RAB26: variants seen among roughly 807,000 people sequenced by gnomAD.
The protein encoded by RAB26 is RAB26, member RAS oncogene family.
A neutral mutation model predicts 33.1 loss-of-function variants in RAB26; 39 were observed. The observed-to-expected ratio is 1.18, with a 90% CI of 0.91 to 1.54. The LOEUF is 1.54. RAB26 is among the 40% of genes most tolerant of loss of function. RAB26 has a pLI of 0.00. For missense variants in RAB26, 468 were observed against 362.9 expected (o/e 1.29, Z -2.35); for synonymous variants, 192 against 151.9 (o/e 1.26, Z -1.94).
rs1338360956 is a variant in RAB26 at position 2,148,919 on chromosome 16, T to C, written c.136T>C (p.Leu46=). The C allele has an allele frequency of 7.6e-7, 1 of 1,308,370 alleles. No individual in the cohort carries two copies. The highest frequency in any genetic ancestry group is 2.2e-5 in the South Asian group (1 of 44,772). 81.0% of individuals were successfully genotyped at this position (1,308,370 alleles called of 1,614,324 possible). A position where few individuals can be genotyped will look rare whatever the true frequency, so the allele number is the denominator to read the frequency against. ...CCCCGACGCGCCGCCCAACGGGCCCTTGCAGCCCGGCCGGCCCTCGCTTGG... is the reference window on the plus strand; with the variant it reads ...CCCCGACGCGCCGCCCAACGGGCCCCTGCAGCCCGGCCGGCCCTCGCTTGG... ...SGPDAPPNGP[L]QPGRPSLGGG... The change falls in exon 1 of 9, where the codon TTG becomes CTG. Residue 46 remains leucine, a synonymous_variant. Transcript: ENST00000210187.
Position 2,153,699 on chromosome 16 carries a change from G to C in RAB26, c.*278G>C. 1 of 608,036 alleles carries C rather than the reference G, an allele frequency of 1.6e-6. No individual in the cohort carries two copies. Among genetic ancestry groups the C allele is most frequent in the East Asian group, 3.5e-5 (1 of 28,654 alleles). The allele number at this position is 608,036 out of a possible 1,614,324, so 37.7% of individuals were successfully genotyped here. ...ACAGACTTTGCCACGGTGCTCTGCTGCCCCCTCCTGGGCACGTCCAGGTGA... is the reference window on the plus strand; with the variant it reads ...ACAGACTTTGCCACGGTGCTCTGCTCCCCCCTCCTGGGCACGTCCAGGTGA... On this transcript the variant is annotated 3_prime_UTR_variant, in exon 9 of 9. Coordinates refer to ENST00000210187, the MANE Select transcript of RAB26 (RefSeq NM_014353.5).
At position 2,150,136 on chromosome 16, in the gene RAB26, C is replaced by T. The variant is rs2093000076; in HGVS notation, c.306+85C>T. Reference sequence around the variant, plus strand: ...TTCTCTCTGATCCCCATGGTACCAACAGGCTCGAGGCCTGGACCCCAGAAG... The same window carrying T: ...TTCTCTCTGATCCCCATGGTACCAATAGGCTCGAGGCCTGGACCCCAGAAG... On this transcript the variant is annotated intron_variant, in intron 2 of 8. Coordinates refer to ENST00000210187, the MANE Select transcript of RAB26 (RefSeq NM_014353.5). 2.4e-6 allele frequency: 3 copies of T among 1,262,494 alleles called. No homozygotes were observed. In the South Asian group the frequency reaches 4.3e-5, roughly 18 times the overall value. 78.2% of individuals were successfully genotyped at this position (1,262,494 alleles called of 1,614,324 possible).
At chr16:2,152,760 G>C (rs988559532) in intron 5 of RAB26, 60 bp from the exon 6 acceptor site, 1 of 1,387,300 alleles carries the variant, frequency 7.2e-7, no homozygotes, top group Non-Finnish European at 9.9e-7. Flanking sequence ...GAGGGCCAAA[G>C]TTCTGGGGCA....
chr16:2,152,773 G>T (rs1438279926), intron 5 of RAB26, 47 bp from the exon 6 acceptor site: 2 of 1,573,712 alleles, frequency 1.3e-6, no homozygotes, highest in Non-Finnish European at 1.7e-6. Context: ...CTGGGGCATG[G>T]GGCAAGCCAT....
chr16:2,150,789 CAGG>C lies in RAB26; in HGVS notation c.306+739_306+741del, dbSNP rs1271347068. On this transcript the variant is annotated intron_variant, in intron 2 of 8. Transcript: ENST00000210187. ...TGGTTCGCACTCTCGTTCAGGGTGCCAGGGAAGGCGGTGTCCTCCCCAGCCCAG... is the reference window on the plus strand; with the variant it reads ...TGGTTCGCACTCTCGTTCAGGGTGCCGAAGGCGGTGTCCTCCCCAGCCCAG... Among the ~76,000 whole-genome samples, 3 of 152,332 alleles carry C rather than the reference CAGG, an allele frequency of 2.0e-5. No homozygotes were observed. The East Asian group carries it at 5.8e-4, about 29-fold the overall frequency.
At chr16:2,148,624 G>C (rs1407374699), upstream of RAB26, 2 of 357,556 alleles carry the variant, frequency 5.6e-6, no homozygotes, top group Non-Finnish European at 7.8e-6. Flanking sequence ...GCGGGGGCGG[G>C]GCGCGAGCCG....
Position 2,153,533 on chromosome 16 carries a change from G to C in RAB26, c.*112G>C. ...CCCAGTGGCCAACGCCCGAGTGTCT[G>C]TTTTCAGGAGCCCCAGGTCAAGCCT... On this transcript the variant is annotated 3_prime_UTR_variant, in exon 9 of 9. Coordinates refer to ENST00000210187, the MANE Select transcript of RAB26 (RefSeq NM_014353.5). 2.1e-6 allele frequency: 2 copies of C among 960,292 alleles called. No individual in the cohort carries two copies. Among genetic ancestry groups the C allele is most frequent in the Non-Finnish European group, 1.6e-6 (1 of 634,710 alleles). 59.5% of individuals were successfully genotyped at this position (960,292 alleles called of 1,614,324 possible).
At chr16:2,149,848 C>A in intron 1 of RAB26, 93 bp from the exon 2 acceptor site, 1 of 979,950 alleles carries the variant, frequency 1.0e-6, no homozygotes, top group Non-Finnish European at 1.4e-6. Context: ...CCTGGGCTGC[C>A]TCCCTCCACT....
chr16:2,151,051 C>T (rs1235196287), intron 2 of RAB26: 5 of 353,686 alleles, frequency 1.4e-5, no homozygotes, highest in Non-Finnish European at 2.8e-5. Flanking sequence ...TCTGCGGTTA[C>T]TGCCTTGGGT....
At position 2,149,980 on chromosome 16, in the gene RAB26, C is replaced by G; in HGVS notation, c.235C>G (p.Leu79Val). The G allele has an allele frequency of 6.5e-7, 1 of 1,542,924 alleles. No homozygotes were observed. Among genetic ancestry groups the G allele is most frequent in the Non-Finnish European group, 8.7e-7 (1 of 1,142,990 alleles). The change falls in exon 2 of 9, where the codon CTG becomes GTG. Residue 79 changes from leucine to valine, a missense_variant. By Grantham distance (32) the Leu-to-Val change is conservative. Coordinates refer to ENST00000210187, the MANE Select transcript of RAB26 (RefSeq NM_014353.5). ...GGACTCGGGTGTGGGGAAGACCTGT[C>G]TGCTGGTGCGATTCAAGGATGGTGC... ...VGDSGVGKTC[L>V]LVRFKDGAFL... is the part of the protein sequence containing the mutation.
intron 5 of RAB26, 71 bp from the exon 6 acceptor site, chr16:2,152,749 G>A (rs1032841366): frequency 3.8e-6 from 5 of 1,310,596 alleles, no homozygotes; most frequent in African/African-American, 1.5e-5. Flanking sequence ...AGTGTGACCT[G>A]GAGGGCCAAA....
chr16:2,148,680 G>GCCC lies in RAB26; in HGVS notation c.-102_-101insCCC, dbSNP rs2092994079. 3 of 1,082,030 alleles carry GCCC rather than the reference G, an allele frequency of 2.8e-6. No homozygotes were observed. Among genetic ancestry groups the GCCC allele is most frequent in the African/African-American group, 3.4e-5 (2 of 59,018 alleles). 67.0% of individuals were successfully genotyped at this position (1,082,030 alleles called of 1,614,324 possible). On this transcript the variant is annotated 5_prime_UTR_variant, in exon 1 of 9. Coordinates refer to ENST00000210187, the MANE Select transcript of RAB26 (RefSeq NM_014353.5). ...CGCCGCCGCCGCCGCCGCCGCCGCC[G>GCCC]CCAGGGGAAGGGTTCGGGTCCGGGT...
intron 1 of RAB26, 111 bp from the exon 2 acceptor site, chr16:2,149,830 C>A: frequency 1.3e-6 from 1 of 760,970 alleles, no homozygotes; most frequent in East Asian, 3.3e-5. Flanking sequence ...CCCCGCTGAG[C>A]CTGCAGGCCT....
At position 2,153,308 on chromosome 16, in the gene RAB26, C is replaced by G; in HGVS notation, c.669-11C>G. ...AGGCCATCGTGTCCCCTTGTCACCCCCACTCCGCAGGGAGTTGAAGCAGCG... is the reference window on the plus strand; with the variant it reads ...AGGCCATCGTGTCCCCTTGTCACCCGCACTCCGCAGGGAGTTGAAGCAGCG... On this transcript the variant is annotated splice_polypyrimidine_tract_variant and intron_variant, in intron 8 of 8. Transcript: ENST00000210187. The G allele has an allele frequency of 6.2e-7, 1 of 1,613,542 alleles. No homozygotes were observed. Among genetic ancestry groups the G allele is most frequent in the South Asian group, 1.1e-5 (1 of 91,082 alleles).
chr16:2,153,874 T>C lies in RAB26; in HGVS notation c.*453T>C, dbSNP rs2093016274. 2.2e-6 allele frequency: 1 copy of C among 457,362 alleles called. No homozygotes were observed. Among genetic ancestry groups the C allele is most frequent in the Non-Finnish European group, 4.4e-6 (1 of 227,678 alleles). 28.3% of individuals were successfully genotyped at this position (457,362 alleles called of 1,614,324 possible). ...AATCACATCGTGCATCTGTGTGTCC[T>C]GGGAGCTGCCTGCTCCCGGCCCACC... On this transcript the variant is annotated 3_prime_UTR_variant, in exon 9 of 9. Transcript: ENST00000210187.
Position 2,153,442 on chromosome 16 carries a change from C to T in RAB26, c.*21C>T, listed in dbSNP as rs1023371929. ...CTTGAACCTGGCTGAGCTCAGTCCT[C>T]TGGAGGAAGCCGTCCAGTCCCTAGA... On this transcript the variant is annotated 3_prime_UTR_variant, in exon 9 of 9. Coordinates refer to ENST00000210187, the MANE Select transcript of RAB26 (RefSeq NM_014353.5). 3.1e-6 allele frequency: 5 copies of T among 1,610,328 alleles called. No individual in the cohort carries two copies. The highest frequency in any genetic ancestry group is 3.4e-6 in the Non-Finnish European group (4 of 1,177,622).
upstream of RAB26, chr16:2,148,339 T>C (rs2092992556): frequency 6.6e-6 from 1 of 152,330 alleles, no homozygotes; most frequent in South Asian, 2.1e-4. Context: ...GGCGGTCCAG[T>C]TTGGGGGTCA....
At chr16:2,151,931 T>A (rs770086596) in intron 5 of RAB26, 23 bp downstream of exon 5, 1 of 1,613,772 alleles carries the variant, frequency 6.2e-7, no homozygotes, top group South Asian at 1.1e-5. Context: ...CCTGGTGGGG[T>A]GAAAGGGCCC....
In RAB26 at chr16:2,153,877, G is replaced by A. The variant is rs2093016320; in HGVS notation, c.*456G>A. 2.2e-6 allele frequency: 1 copy of A among 457,080 alleles called. No individual in the cohort carries two copies. The highest frequency in any genetic ancestry group is 6.9e-5 in the East Asian group (1 of 14,460). 28.3% of individuals were successfully genotyped at this position (457,080 alleles called of 1,614,324 possible). The stretch of plus-strand genomic sequence containing the variant: ...CACATCGTGCATCTGTGTGTCCTGG[G>A]AGCTGCCTGCTCCCGGCCCACCCTC... On this transcript the variant is annotated 3_prime_UTR_variant, in exon 9 of 9. Transcript: ENST00000210187.
Sources: gnomAD v4.1 joint callset for allele counts (sites outside exome capture counted in the v4.1 genomes callset) on GRCh38, gnomAD v4.1.1 for gene constraint, MANE v1.5 for transcripts, NCBI Gene and HGNC (gene_info 2026-07-23, HGNC 2026-07-21) for gene names.